The following SLC30A6 variants were observed in gnomAD, a reference collection of about 807,000 sequenced individuals.
SLC30A6 encodes the protein solute carrier family 30 member 6.
In SLC30A6, 55 loss-of-function variants were observed where a neutral mutation model predicts 63.0. The ratio of observed to expected loss-of-function variants is 0.87; its 90% CI spans 0.70 to 1.09. The LOEUF is 1.09. Among genes scored for constraint, SLC30A6 ranks in the 50% least tolerant of loss-of-function variants. The pLI, the probability that SLC30A6 is intolerant of heterozygous loss-of-function variation, is 0.00. For missense variants in SLC30A6, 587 were observed against 549.2 expected (o/e 1.07, Z -0.69); for synonymous variants, 224 against 186.1 (o/e 1.20, Z -1.66).
chr2:32,187,569 G>A (rs1682946521), intron 5 of SLC30A6, among the ~76,000 whole-genome samples: 2 of 152,198 alleles, frequency 1.3e-5, no homozygotes, highest in Non-Finnish European at 2.9e-5. Context: ...CATAGCTGAA[G>A]TATCACATAT....
At position 32,204,772 on chromosome 2, in the gene SLC30A6, A is replaced by T. The variant is rs998628285; in HGVS notation, c.768+80A>T. ...ATTAAAAAGTTGTATGTGTTGTTCT[A>T]CAAGATTGTGAAATTTTTATTTTTA... On this transcript the variant is annotated intron_variant, in intron 11 of 13. Coordinates refer to ENST00000282587, the MANE Select transcript of SLC30A6 (RefSeq NM_017964.5). The T allele has an allele frequency of 9.0e-6, 6 of 668,610 alleles. No individual in the cohort carries two copies. In the African/African-American group the frequency reaches 1.1e-4, roughly 13 times the overall value. 41.4% of individuals were successfully genotyped at this position (668,610 alleles called of 1,614,324 possible). A position where few individuals can be genotyped will look rare whatever the true frequency, so the allele number is the denominator to read the frequency against.
At chr2:32,167,098 G>A (rs1680739563) in intron 1 of SLC30A6, among the ~76,000 whole-genome samples, 1 of 151,836 alleles carries the variant, frequency 6.6e-6, no homozygotes, top group African/African-American at 2.4e-5. Flanking sequence ...TTTTCGAGAC[G>A]GAGTTCCACT....
chr2:32,182,831 A>G (rs1682448326), intron 4 of SLC30A6, among the ~76,000 whole-genome samples: 1 of 152,122 alleles, frequency 6.6e-6, no homozygotes, highest in Non-Finnish European at 1.5e-5. Flanking sequence ...CTTAGGTTAC[A>G]TGTGTCAGGT....
intron 8 of SLC30A6, among the ~76,000 whole-genome samples, chr2:32,194,827 A>G (rs1683634197): frequency 6.6e-6 from 1 of 152,212 alleles, no homozygotes; most frequent in South Asian, 2.1e-4. Flanking sequence ...ATGATAATTA[A>G]GATCACTAGA....
At position 32,224,117 on chromosome 2, in the gene SLC30A6, ATCTT is replaced by A. The variant is rs963672761; in HGVS notation, c.*3410_*3413del. ...GGAGTTTCCTCTCTGGTTTTAAATA[ATCTT>A]TCTTTATTCAGTAGCTATTAATAAT... On this transcript the variant is annotated 3_prime_UTR_variant, in exon 14 of 14. Coordinates refer to ENST00000282587, the MANE Select transcript of SLC30A6 (RefSeq NM_017964.5). The A allele has an allele frequency of 7.8e-5, 13 of 166,686 alleles. No homozygotes were observed. The highest frequency in any genetic ancestry group is 5.7e-4 in the South Asian group (3 of 5,218). 10.3% of individuals were successfully genotyped at this position (166,686 alleles called of 1,614,324 possible).
intron 4 of SLC30A6, among the ~76,000 whole-genome samples, chr2:32,180,216 A>G (rs769147987): frequency 2.0e-5 from 3 of 152,136 alleles, no homozygotes; most frequent in Non-Finnish European, 2.9e-5. Flanking sequence ...AGCCTGGGCA[A>G]TACAGTGAAA....
chr2:32,212,653 A>C (rs1685352912), intron 13 of SLC30A6, among the ~76,000 whole-genome samples: 1 of 136,910 alleles, frequency 7.3e-6, no homozygotes, highest in East Asian at 2.1e-4. Context: ...ACTGAGTGCA[A>C]TGGCTTGATC....
intron 1 of SLC30A6, among the ~76,000 whole-genome samples, chr2:32,168,568 TAAA>T (rs1558361911): frequency 6.6e-6 from 1 of 152,036 alleles, no homozygotes; most frequent in African/African-American, 2.4e-5. Context: ...ATAAGTGGCA[TAAA>T]AAACACTATA....
chr2:32,175,695 A>G (rs6543652), intron 4 of SLC30A6, among the ~76,000 whole-genome samples: 147,583 of 152,304 alleles, frequency 0.97, 71,567 homozygotes, highest in Middle Eastern at 1. Context: ...GTAATTAGAG[A>G]GCAGGTGGGG....
rs1686115477 is a variant in SLC30A6, at chr2:32,221,077, A to T, written c.*364A>T. 4.8e-6 allele frequency: 1 copy of T among 206,696 alleles called. No individual in the cohort carries two copies. Among genetic ancestry groups the T allele is most frequent in the Non-Finnish European group, 9.9e-6 (1 of 101,002 alleles). The allele number at this position is 206,696 out of a possible 1,614,324, so 12.8% of individuals were successfully genotyped here. ...TACGATATTTCTTTTTTTTTCCGAG[A>T]CGGAGTCTTGCTCTGCCACTGTGCC... On this transcript the variant is annotated 3_prime_UTR_variant, in exon 14 of 14. Transcript: ENST00000282587.
chr2:32,222,950 A>C lies in SLC30A6; in HGVS notation c.*2237A>C, dbSNP rs767901377. On this transcript the variant is annotated 3_prime_UTR_variant, in exon 14 of 14. Coordinates refer to ENST00000282587, the MANE Select transcript of SLC30A6 (RefSeq NM_017964.5). ...CAGTTCTGTGTGAGGTTTTATGCCTACTTCCTCAACACCAATTCAGAGGCA... is the reference window on the plus strand; with the variant it reads ...CAGTTCTGTGTGAGGTTTTATGCCTCCTTCCTCAACACCAATTCAGAGGCA... 2.0e-5 allele frequency: 3 copies of C among 152,198 alleles called. No homozygotes were observed. The highest frequency in any genetic ancestry group is 7.2e-5 in the African/African-American group (3 of 41,452). The allele number at this position is 152,198 out of a possible 1,614,324, so 9.4% of individuals were successfully genotyped here. A position where few individuals can be genotyped will look rare whatever the true frequency, so the allele number is the denominator to read the frequency against.
chr2:32,201,878 T>C, intron 10 of SLC30A6: 1 of 1,451,434 alleles, frequency 6.9e-7, no homozygotes, highest in Non-Finnish European at 9.5e-7. Flanking sequence ...ACAGATTACC[T>C]GGATGCTCCC....
chr2:32,178,272 G>T (rs1375169567), intron 4 of SLC30A6, among the ~76,000 whole-genome samples: 1 of 152,004 alleles, frequency 6.6e-6, no homozygotes, highest in Non-Finnish European at 1.5e-5. Context: ...AATGGTGTGA[G>T]ATTGGGGGTT....
In SLC30A6 at chr2:32,171,334, G is replaced by A; in HGVS notation, c.51G>A (p.Lys17=). 2.5e-6 allele frequency: 4 copies of A among 1,613,758 alleles called. No homozygotes were observed. The highest frequency in any genetic ancestry group is 2.5e-6 in the Non-Finnish European group (3 of 1,179,824). ...AACCACAAAGATCCTTTTTTGGCAA[G>A]TTGTTACGGGAATTTAGACTTGTAG... ...FRKPQRSFFG[K]LLREFRLVAA... is the part of the protein sequence containing the mutation. The change falls in exon 2 of 14, where the codon AAG becomes AAA. Residue 17 remains lysine (K), a synonymous_variant. Transcript: ENST00000282587.
In SLC30A6 at chr2:32,192,352, G is replaced by T. The variant is rs1459696252; in HGVS notation, c.301G>T (p.Val101Phe). The T allele has an allele frequency of 6.2e-7, 1 of 1,613,874 alleles. No individual in the cohort carries two copies. Among genetic ancestry groups the T allele is most frequent in the African/African-American group, 1.3e-5 (1 of 74,906 alleles). Residue 101 changes from valine (V) to phenylalanine (F), a missense_variant, in exon 6 of 14, where the codon GTC (valine) becomes TTC (phenylalanine). Transcript: ENST00000282587. ...VYSFGFERLEVLAVFASTVLA... is the reference protein window; with the variant it reads ...VYSFGFERLEFLAVFASTVLA... ...TGGTTTCAGGTTTGAAAGATTAGAA[G>T]TCCTGGCTGTATTTGCCTCCACAGT...
At chr2:32,203,932 C>A (rs988400560) in intron 10 of SLC30A6, 22 of 823,132 alleles carry the variant, frequency 2.7e-5, no homozygotes, top group Non-Finnish European at 4.2e-5. Context: ...AGGAAGTTGA[C>A]AAGATGGTAG....
chr2:32,221,827 T>C lies in SLC30A6; in HGVS notation c.*1114T>C, dbSNP rs1214699738. The C allele has an allele frequency of 6.6e-6, 1 of 152,244 alleles. No individual in the cohort carries two copies. Among genetic ancestry groups the C allele is most frequent in the East Asian group, 1.9e-4 (1 of 5,206 alleles). The allele number at this position is 152,244 out of a possible 1,614,324, so 9.4% of individuals were successfully genotyped here. ...GTGAAAGAATCCCAATTTTCTATGT[T>C]ACATTTAATCAAATACTGACATAAT... On this transcript the variant is annotated 3_prime_UTR_variant, in exon 14 of 14. Coordinates refer to ENST00000282587, the MANE Select transcript of SLC30A6 (RefSeq NM_017964.5).
chr2:32,175,657 A>G (rs1040484256), intron 4 of SLC30A6, among the ~76,000 whole-genome samples: 3 of 152,318 alleles, frequency 2.0e-5, no homozygotes, highest in African/African-American at 7.2e-5. Flanking sequence ...GAACAAACAC[A>G]CAAACAACAA....
chr2:32,193,165 CT>C (rs999990963), intron 7 of SLC30A6, among the ~76,000 whole-genome samples: 6 of 152,128 alleles, frequency 3.9e-5, no homozygotes, highest in Non-Finnish European at 8.8e-5. Flanking sequence ...ACAGGAAGGC[CT>C]TTCTATCTTG....
Sources: gnomAD v4.1 joint callset for allele counts (sites outside exome capture counted in the v4.1 genomes callset) on GRCh38, gnomAD v4.1.1 for gene constraint, MANE v1.5 for transcripts, NCBI Gene and HGNC (gene_info 2026-07-23, HGNC 2026-07-21) for gene names.